The following TNKS2 variants were observed in gnomAD, a reference collection of about 807,000 sequenced individuals.
TNKS2 encodes the protein poly [ADP-ribose] polymerase tankyrase-2.
A neutral mutation model predicts 137.6 loss-of-function variants in TNKS2; 72 were observed. The observed-to-expected ratio is 0.52, with a 90% CI of 0.43 to 0.64. The LOEUF (loss-of-function observed/expected upper bound fraction) is 0.64, where lower values mean the gene tolerates loss of function less well. Among genes scored for constraint, TNKS2 ranks in the 30% least tolerant of loss-of-function variants. The probability of loss-of-function intolerance (pLI) is 0.00; values close to 1 mark genes in which losing one functional copy is unlikely to be tolerated. For missense variants in TNKS2, 1,049 were observed against 1,410.2 expected (o/e 0.74, Z 4.10); for synonymous variants, 516 against 512.1 (o/e 1.01, Z -0.10).
At chr10:91,834,120 A>G (rs1841917869) in intron 12 of TNKS2, 96 bp downstream of exon 12, 1 of 1,058,436 alleles carries the variant, frequency 9.4e-7, no homozygotes, top group Non-Finnish European at 1.3e-6. Context: ...AATAAGAAAA[A>G]TTGAGAATTT....
chr10:91,862,197 G>A, intron 26 of TNKS2, 42 bp downstream of exon 26: 1 of 1,459,124 alleles, frequency 6.9e-7, no homozygotes, highest in Non-Finnish European at 9.2e-7. Flanking sequence ...ATGCTAGGGA[G>A]GCATACTTTA....
At chr10:91,831,910 CAG>C (rs919457263) in intron 11 of TNKS2, among the ~76,000 whole-genome samples, 10 of 152,236 alleles carry the variant, frequency 6.6e-5, no homozygotes, top group South Asian at 4.1e-4. Context: ...TACTCTATAA[CAG>C]AGAAAGAATA....
chr10:91,834,081 CAT>C (rs1345748951), intron 12 of TNKS2, 57 bp downstream of exon 12: 1 of 1,415,780 alleles, frequency 7.1e-7, no homozygotes, highest in East Asian at 2.4e-5. Context: ...AAATTTTTCA[CAT>C]ATCAGGTATT....
chr10:91,837,600 C>T (rs557816287), intron 13 of TNKS2, among the ~76,000 whole-genome samples: 6 of 152,276 alleles, frequency 3.9e-5, no homozygotes, highest in African/African-American at 1.2e-4. Flanking sequence ...TCACACCTGT[C>T]GGTAATCCCA....
intron 13 of TNKS2, among the ~76,000 whole-genome samples, chr10:91,838,545 T>G (rs1452416848): frequency 6.6e-6 from 1 of 152,324 alleles, no homozygotes; most frequent in East Asian, 1.9e-4. Flanking sequence ...AAAATTAAAC[T>G]GACAGGTAAA....
At chr10:91,831,983 G>A (rs948750243) in intron 11 of TNKS2, among the ~76,000 whole-genome samples, 1 of 152,042 alleles carries the variant, frequency 6.6e-6, no homozygotes, top group African/African-American at 2.4e-5. Flanking sequence ...CCCCTGAAAC[G>A]CTTCCATAAA....
intron 2 of TNKS2, among the ~76,000 whole-genome samples, chr10:91,815,440 G>C (rs1247648073): frequency 6.6e-6 from 1 of 151,500 alleles, no homozygotes; most frequent in African/African-American, 2.4e-5. Context: ...TGGTACCTCA[G>C]AATCTTAGAC....
At chr10:91,845,463 G>A (rs2133660607) in intron 17 of TNKS2, among the ~76,000 whole-genome samples, 1 of 152,316 alleles carries the variant, frequency 6.6e-6, no homozygotes, top group South Asian at 2.1e-4. Context: ...TTGACATTTA[G>A]TAGTTATAAC....
intron 12 of TNKS2, 49 bp downstream of exon 12, chr10:91,834,073 A>T (rs571169145): frequency 4.8e-6 from 7 of 1,443,632 alleles, no homozygotes; most frequent in East Asian, 2.4e-5. Context: ...ACCTTTAAAA[A>T]TTTTTCACAT....
chr10:91,809,332 T>C (rs1173318826), intron 1 of TNKS2, among the ~76,000 whole-genome samples: 1 of 152,204 alleles, frequency 6.6e-6, no homozygotes, highest in East Asian at 1.9e-4. Flanking sequence ...ACATGAACCA[T>C]GTGGGTATAC....
At chr10:91,801,427 C>A (rs1844162415) in intron 1 of TNKS2, among the ~76,000 whole-genome samples, 1 of 151,958 alleles carries the variant, frequency 6.6e-6, no homozygotes, top group African/African-American at 2.4e-5. Context: ...CCTTTTCAGT[C>A]CGCCTGCCAC....
intron 13 of TNKS2, among the ~76,000 whole-genome samples, chr10:91,839,034 A>G: frequency 6.6e-6 from 1 of 151,868 alleles, no homozygotes; most frequent in East Asian, 1.9e-4. Context: ...CGCCCAGATA[A>G]TTTTTTGTAT....
At chr10:91,852,606 A>G (rs886552664) in intron 21 of TNKS2, among the ~76,000 whole-genome samples, 2 of 152,256 alleles carry the variant, frequency 1.3e-5, no homozygotes, top group Admixed American at 6.5e-5. Flanking sequence ...TCAAAACCAC[A>G]TTTAACTTTA....
intron 16 of TNKS2, among the ~76,000 whole-genome samples, chr10:91,843,647 G>A (rs150259675): frequency 8.0e-4 from 122 of 152,280 alleles, no homozygotes; most frequent in African/African-American, 2.8e-3. Flanking sequence ...CATTACAGAT[G>A]TTAGGAAATC....
intron 20 of TNKS2, among the ~76,000 whole-genome samples, chr10:91,849,832 T>C (rs971752527): frequency 3.3e-5 from 5 of 152,220 alleles, no homozygotes; most frequent in Admixed American, 2.6e-4. Flanking sequence ...GTTTAGCTTA[T>C]TCAGTTCTTG....
At chr10:91,814,458 A>C (rs1187050857) in intron 2 of TNKS2, among the ~76,000 whole-genome samples, 1 of 152,240 alleles carries the variant, frequency 6.6e-6, no homozygotes, top group African/African-American at 2.4e-5. Context: ...TTTTAAAAAT[A>C]AACTTACATA....
At chr10:91,830,877 C>A in intron 9 of TNKS2, 46 bp from the exon 10 acceptor site, 2 of 1,406,378 alleles carry the variant, frequency 1.4e-6, no homozygotes, top group East Asian at 2.4e-5. Flanking sequence ...TTCTTAAAAT[C>A]AGTTATGTAT....
intron 13 of TNKS2, among the ~76,000 whole-genome samples, chr10:91,837,989 ATTTT>A (rs143159392): frequency 8.0e-6 from 1 of 125,502 alleles, no homozygotes; most frequent in Non-Finnish European, 1.6e-5. Context: ...TTGTGAACTG[ATTTT>A]TTTTTCAGGA....
chr10:91,846,056 C>A, intron 18 of TNKS2, 116 bp downstream of exon 18: 2 of 768,922 alleles, frequency 2.6e-6, no homozygotes, highest in Non-Finnish European at 3.8e-6. Context: ...GGGTTTTAGC[C>A]TGATTTTAAT....
Sources: allele counts gnomAD v4.1 joint callset (sites outside exome capture counted in the v4.1 genomes callset), GRCh38; gene constraint gnomAD v4.1.1; transcripts MANE v1.5; gene names NCBI Gene and HGNC (gene_info 2026-07-23, HGNC 2026-07-21).